Variants in NTN1 observed in about 807,000 individuals in gnomAD.
The protein encoded by NTN1 is netrin 1, also known as netrin-1.
Under a neutral mutation model 54.2 loss-of-function variants are expected in NTN1, and 11 were observed. That is an observed-to-expected ratio of 0.20 (90% CI 0.13 to 0.34). The LOEUF (loss-of-function observed/expected upper bound fraction) is 0.34, where lower values mean the gene tolerates loss of function less well. NTN1 is among the 10% of genes least tolerant of loss of function. The pLI is 1.00. For synonymous variants in NTN1, 371 were observed against 382.0 expected, an observed-to-expected ratio of 0.97 and a Z score of 0.33; for missense variants, 740 against 893.1, an observed-to-expected ratio of 0.83 and a Z score of 2.18.
chr17:9,138,675 G>A (rs2092288642), intron 2 of NTN1, among the ~76,000 whole-genome samples: 1 of 152,218 alleles, frequency 6.6e-6, no homozygotes, highest in Admixed American at 6.5e-5. Context: ...CAGGGGTGGG[G>A]CAGACAGGGG....
intron 2 of NTN1, among the ~76,000 whole-genome samples, chr17:9,081,190 T>A (rs149571834): frequency 2.2e-4 from 33 of 152,312 alleles, no homozygotes; most frequent in African/African-American, 7.2e-4. Flanking sequence ...GACACCCAGC[T>A]GGTGTCCATT....
At chr17:9,163,475 G>A (rs1459317283) in intron 3 of NTN1, among the ~76,000 whole-genome samples, 3 of 72,028 alleles carry the variant, frequency 4.2e-5, no homozygotes, top group Admixed American at 1.8e-4. Context: ...ACTCCCCCCC[G>A]AAACACACAC....
At chr17:9,031,699 C>CT (rs1470223849) in intron 2 of NTN1, among the ~76,000 whole-genome samples, 1 of 152,116 alleles carries the variant, frequency 6.6e-6, no homozygotes, top group Non-Finnish European at 1.5e-5. Context: ...AATCCTAGCA[C>CT]TTTGGGAGGT....
At chr17:9,004,548 TG>T in the NTN1 span, among the ~76,000 whole-genome samples, 1 of 152,226 alleles carries the variant, frequency 6.6e-6, no homozygotes, top group Admixed American at 6.5e-5. Context: ...GTTTGAATGC[TG>T]GGGCCTTCCT....
intron 2 of NTN1, among the ~76,000 whole-genome samples, chr17:9,023,842 A>G (rs2091861864): frequency 6.6e-6 from 1 of 152,192 alleles, no homozygotes; most frequent in South Asian, 2.1e-4. Context: ...ATCCCTTGGG[A>G]GATGGCAAAG....
chr17:9,210,294 A>G (rs1397591971), intron 5 of NTN1, among the ~76,000 whole-genome samples: 2 of 151,704 alleles, frequency 1.3e-5, no homozygotes, highest in Non-Finnish European at 2.9e-5. Flanking sequence ...TTCATGGGCT[A>G]CCCCTCAGGG....
intron 5 of NTN1, among the ~76,000 whole-genome samples, chr17:9,188,779 AG>A (rs1266956857): frequency 6.6e-6 from 1 of 152,148 alleles, no homozygotes; most frequent in Non-Finnish European, 1.5e-5. Flanking sequence ...AGTCCCAGGT[AG>A]GGAGGCTTCA....
At chr17:9,127,779 C>T (rs563209625) in intron 2 of NTN1, among the ~76,000 whole-genome samples, 1 of 152,178 alleles carries the variant, frequency 6.6e-6, no homozygotes, top group African/African-American at 2.4e-5. Context: ...TGGGTTGGAG[C>T]TAATTCTAGG....
At chr17:9,116,761 A>C (rs1416521320) in intron 2 of NTN1, among the ~76,000 whole-genome samples, 2 of 152,182 alleles carry the variant, frequency 1.3e-5, no homozygotes, top group African/African-American at 4.8e-5. Flanking sequence ...AACTTGTGGG[A>C]AAATACCTCT....
At chr17:9,019,730 C>T (rs1474286289), upstream of NTN1, among the ~76,000 whole-genome samples, 4 of 152,244 alleles carry the variant, frequency 2.6e-5, no homozygotes, top group Admixed American at 6.5e-5. Context: ...GGCTCCGAAG[C>T]GTTTCCTCCT....
At chr17:9,184,609 C>T (rs1321131806) in intron 5 of NTN1, among the ~76,000 whole-genome samples, 7 of 152,236 alleles carry the variant, frequency 4.6e-5, no homozygotes, top group Non-Finnish European at 1.0e-4. Flanking sequence ...GGCTGTGTGA[C>T]AGCTCATGCA....
Position 9,188,136 on chromosome 17 carries a change from A to G in NTN1, c.1411+5167A>G, listed in dbSNP as rs978030150. On this transcript the variant is annotated intron_variant, in intron 5 of 6. Coordinates refer to ENST00000173229, the MANE Select transcript of NTN1 (RefSeq NM_004822.3). The stretch of plus-strand genomic sequence containing the variant: ...ATGCCATTGAATTGTACACTTAAAA[A>G]TGCTAAATCTGGCTGGGTGCAGTGG... 2.6e-5 allele frequency among the ~76,000 whole-genome samples: 4 copies of G among 152,210 alleles called. No individual in the cohort carries two copies. In the East Asian group the frequency reaches 7.7e-4, roughly 29 times the overall value.
chr17:9,072,922 C>T (rs977340463), intron 2 of NTN1, among the ~76,000 whole-genome samples: 5 of 152,168 alleles, frequency 3.3e-5, no homozygotes, highest in African/African-American at 1.2e-4. Context: ...GGACTGTTTA[C>T]TTTTTTCTTC....
At chr17:9,225,772 C>T (rs1905518273) in intron 6 of NTN1, among the ~76,000 whole-genome samples, 1 of 152,178 alleles carries the variant, frequency 6.6e-6, no homozygotes, top group Non-Finnish European at 1.5e-5. Flanking sequence ...TCCCCGCTCT[C>T]TGACTGACAC....
At chr17:9,104,662 G>A (rs1364765535) in intron 2 of NTN1, among the ~76,000 whole-genome samples, 3 of 152,208 alleles carry the variant, frequency 2.0e-5, no homozygotes, top group Non-Finnish European at 4.4e-5. Flanking sequence ...CTGGCATGAA[G>A]CCGCTCTCTC....
chr17:9,113,027 T>A (rs1428016335), intron 2 of NTN1, among the ~76,000 whole-genome samples: 7 of 145,198 alleles, frequency 4.8e-5, no homozygotes, highest in Non-Finnish European at 1.1e-4. Flanking sequence ...GAATTTTTTT[T>A]ATTTTTATTT....
At chr17:9,202,840 C>G (rs1904839777) in intron 5 of NTN1, among the ~76,000 whole-genome samples, 1 of 152,184 alleles carries the variant, frequency 6.6e-6, no homozygotes, top group Non-Finnish European at 1.5e-5. Context: ...ACTGTTGGGA[C>G]TGTTTGCCTC....
chr17:9,059,139 C>A (rs1040963260), intron 2 of NTN1, among the ~76,000 whole-genome samples: 5 of 152,094 alleles, frequency 3.3e-5, no homozygotes, highest in Admixed American at 2.6e-4. Flanking sequence ...GCTACGTGGC[C>A]GGCACATGCT....
At chr17:9,188,916 G>C (rs1904374546) in intron 5 of NTN1, among the ~76,000 whole-genome samples, 1 of 152,184 alleles carries the variant, frequency 6.6e-6, no homozygotes, top group Non-Finnish European at 1.5e-5. Flanking sequence ...AATTGACCAA[G>C]GCACTGGTTT....
Sources: allele counts gnomAD v4.1 joint callset (sites outside exome capture counted in the v4.1 genomes callset), GRCh38; gene constraint gnomAD v4.1.1; transcripts MANE v1.5; gene names NCBI Gene and HGNC (gene_info 2026-07-23, HGNC 2026-07-21).